The following TGM4 variants were observed in gnomAD, a reference collection of about 807,000 sequenced individuals.
The protein encoded by TGM4 is protein-glutamine gamma-glutamyltransferase 4.
A neutral mutation model predicts 76.3 loss-of-function variants in TGM4; 61 were observed. That is an observed-to-expected ratio of 0.80 (90% CI 0.65 to 0.99). TGM4 has a LOEUF of 0.99. Among genes scored for constraint, TGM4 ranks in the 50% least tolerant of loss-of-function variants. The pLI is 0.00. For synonymous variants in TGM4, 337 were observed against 329.8 expected, an observed-to-expected ratio of 1.02 and a Z score of -0.24; for missense variants, 794 against 843.2, an observed-to-expected ratio of 0.94 and a Z score of 0.72.
chr3:44,899,260 G>T (rs898427885), intron 6 of TGM4: 5 of 152,384 alleles, frequency 3.3e-5, no homozygotes, highest in African/African-American at 1.2e-4. Context: ...CGGGGGAGAA[G>T]GGGCAGTTCG....
At chr3:44,904,252 T>C (rs1699895288) in intron 9 of TGM4, among the ~76,000 whole-genome samples, 1 of 151,986 alleles carries the variant, frequency 6.6e-6, no homozygotes. Flanking sequence ...CTGCATACCA[T>C]GCGCAGTACC....
intron 9 of TGM4, among the ~76,000 whole-genome samples, chr3:44,905,143 C>T (rs1299442865): frequency 6.6e-6 from 1 of 152,134 alleles, no homozygotes; most frequent in African/African-American, 2.4e-5. Context: ...TGCCACCATG[C>T]CTGACTAATT....
Position 44,886,448 on chromosome 3 carries a change from T to G in TGM4, c.193+950T>G, listed in dbSNP as rs113440545. Among the ~76,000 whole-genome samples, 158 of 152,204 alleles carry G rather than the reference T, an allele frequency of 1.0e-3. 1 individual carries two copies. The highest frequency in any genetic ancestry group is 3.6e-3 in the African/African-American group (151 of 41,528). ...CTCTGAGTGAACAACAGGCTTAGGG[T>G]CTCCTCCAACGTGCTGGTGGAGATC... On this transcript the variant is annotated intron_variant, in intron 2 of 13. Coordinates refer to ENST00000296125, the MANE Select transcript of TGM4 (RefSeq NM_003241.4).
intron 1 of TGM4, among the ~76,000 whole-genome samples, chr3:44,877,435 G>A (rs903552725): frequency 2.6e-5 from 4 of 151,970 alleles, no homozygotes; most frequent in East Asian, 1.9e-4. Context: ...GCGAGACTTT[G>A]TCTCAAAAAT....
intron 5 of TGM4, among the ~76,000 whole-genome samples, chr3:44,895,396 G>A (rs1463897866): frequency 6.6e-6 from 1 of 152,230 alleles, no homozygotes; most frequent in Admixed American, 6.5e-5. Flanking sequence ...GGAGGCCAAG[G>A]TGGGAGGATG....
At chr3:44,896,336 T>C (rs1322328045) in intron 5 of TGM4, among the ~76,000 whole-genome samples, 1 of 152,184 alleles carries the variant, frequency 6.6e-6, no homozygotes, top group Non-Finnish European at 1.5e-5. Flanking sequence ...GTCTTGAGCA[T>C]CCGACCTCAG....
At chr3:44,887,880 C>A in intron 3 of TGM4, 85 bp downstream of exon 3, 1 of 1,195,906 alleles carries the variant, frequency 8.4e-7, no homozygotes, top group Non-Finnish European at 1.2e-6. Context: ...CCCTTCCTCA[C>A]CTGTCAGCTG....
intron 6 of TGM4, among the ~76,000 whole-genome samples, chr3:44,897,618 A>G (rs544608870): frequency 3.3e-5 from 5 of 152,234 alleles, no homozygotes; most frequent in African/African-American, 1.2e-4. Context: ...CAGTTCTCAA[A>G]TATTTTGGTT....
intron 1 of TGM4, among the ~76,000 whole-genome samples, 177 bp from the exon 2 acceptor site, chr3:44,885,148 C>A (rs1044962371): frequency 3.3e-5 from 5 of 152,206 alleles, no homozygotes; most frequent in African/African-American, 1.2e-4. Context: ...ACCAGTCTTA[C>A]AGGTGAAGAA....
intron 1 of TGM4, among the ~76,000 whole-genome samples, chr3:44,882,049 T>G: frequency 7.8e-6 from 1 of 128,490 alleles, no homozygotes; most frequent in Non-Finnish European, 1.6e-5. Flanking sequence ...AAAATAAAAA[T>G]ACAAACGCTT....
intron 10 of TGM4, 109 bp from the exon 11 acceptor site, chr3:44,909,981 G>A: frequency 1.6e-6 from 2 of 1,218,384 alleles, no homozygotes; most frequent in East Asian, 4.7e-5. Flanking sequence ...CTCCAGGGAT[G>A]TCTCTGGAGT....
At chr3:44,904,486 C>A (rs1346089742) in intron 9 of TGM4, among the ~76,000 whole-genome samples, 1 of 152,096 alleles carries the variant, frequency 6.6e-6, no homozygotes, top group Non-Finnish European at 1.5e-5. Flanking sequence ...CCCCTTGTAG[C>A]TGGAAGGACC....
intron 9 of TGM4, among the ~76,000 whole-genome samples, chr3:44,905,577 A>G (rs1393539861): frequency 1.3e-5 from 2 of 152,216 alleles, no homozygotes; most frequent in Non-Finnish European, 2.9e-5. Flanking sequence ...GGGGACCTAG[A>G]GACATGAGCA....
intron 13 of TGM4, among the ~76,000 whole-genome samples, chr3:44,912,880 T>A (rs998575836): frequency 2.0e-5 from 3 of 152,258 alleles, no homozygotes; most frequent in Non-Finnish European, 4.4e-5. Flanking sequence ...TTTCTAATTG[T>A]TTGCTGGACT....
chr3:44,906,086 G>A (rs1699918552), intron 9 of TGM4, among the ~76,000 whole-genome samples: 1 of 152,214 alleles, frequency 6.6e-6, no homozygotes, highest in Non-Finnish European at 1.5e-5. Context: ...CCCAGGTTCA[G>A]TCAACAAGTT....
Position 44,893,600 on chromosome 3 carries a change from G to A in TGM4, c.454G>A (p.Glu152Lys), listed in dbSNP as rs779222038. The change falls in exon 5 of 14, where the codon GAG becomes AAG. Residue 152 changes from glutamate to lysine, a missense_variant. By Grantham distance (56) the Glu-to-Lys change is moderately conservative (BLOSUM62 1). Transcript: ENST00000296125. ...AGAGGACATGGTTTTCATGCCTGAT[G>A]AGGACGAGCGCAAAGAGTACATCCT... is the stretch of plus-strand genomic sequence containing the variant. ...CKEDMVFMPDEDERKEYILND... is the reference protein window; with the variant it reads ...CKEDMVFMPDKDERKEYILND... 4 of 1,613,882 alleles carry A rather than the reference G, an allele frequency of 2.5e-6. No individual in the cohort carries two copies. The South Asian group carries it at 3.3e-5, about 13-fold the overall frequency.
At chr3:44,895,122 C>A (rs547462053) in intron 5 of TGM4, among the ~76,000 whole-genome samples, 1 of 151,970 alleles carries the variant, frequency 6.6e-6, no homozygotes, top group African/African-American at 2.4e-5. Context: ...AGTGAAACCC[C>A]GTCTCTACTA....
intron 3 of TGM4, chr3:44,889,320 A>G (rs983043809): frequency 3.9e-5 from 6 of 152,126 alleles, no homozygotes; most frequent in Admixed American, 3.3e-4. Context: ...TACTTCTGCC[A>G]TCGCCAGCAC....
chr3:44,877,790 T>C (rs563403383), intron 1 of TGM4, among the ~76,000 whole-genome samples: 7 of 152,230 alleles, frequency 4.6e-5, no homozygotes, highest in Non-Finnish European at 1.0e-4. Flanking sequence ...GCCCATATCC[T>C]GTGACACAGC....
Sources: gnomAD v4.1 joint callset for allele counts (sites outside exome capture counted in the v4.1 genomes callset) on GRCh38, gnomAD v4.1.1 for gene constraint, MANE v1.5 for transcripts, NCBI Gene and HGNC (gene_info 2026-07-23, HGNC 2026-07-21) for gene names.